SUPT3H: variants seen among roughly 807,000 people sequenced by gnomAD.
SUPT3H encodes transcription initiation protein SPT3 homolog.
A neutral mutation model predicts 44.3 loss-of-function variants in SUPT3H; 44 were observed. The ratio of observed to expected loss-of-function variants is 0.99; its 90% CI spans 0.78 to 1.28. SUPT3H has a LOEUF of 1.28. Among genes scored for constraint, SUPT3H ranks in the 50% most tolerant of loss-of-function variants. The pLI is 0.00. For missense variants in SUPT3H, 380 were observed against 387.1 expected (o/e 0.98, Z 0.15); for synonymous variants, 124 against 125.6 (o/e 0.99, Z 0.09).
At chr6:44,980,923 A>G (rs1760955291) in intron 6 of SUPT3H, among the ~76,000 whole-genome samples, 1 of 152,234 alleles carries the variant, frequency 6.6e-6, no homozygotes, top group South Asian at 2.1e-4. Context: ...GCACGTCTGA[A>G]GAAGTAGATT....
intron 2 of SUPT3H, among the ~76,000 whole-genome samples, chr6:45,209,086 C>G (rs974134886): frequency 2.6e-5 from 4 of 152,182 alleles, no homozygotes; most frequent in African/African-American, 9.6e-5. Flanking sequence ...ACTGTTGAGA[C>G]CTACTACTCA....
At chr6:45,079,107 G>A (rs925230076) in intron 3 of SUPT3H, among the ~76,000 whole-genome samples, 19 of 152,038 alleles carry the variant, frequency 1.2e-4, no homozygotes, top group African/African-American at 2.4e-5. Flanking sequence ...TAAGGAGATC[G>A]AGACCATCTG....
At chr6:45,239,404 C>T (rs1295438486) in intron 2 of SUPT3H, among the ~76,000 whole-genome samples, 2 of 152,214 alleles carry the variant, frequency 1.3e-5, no homozygotes, top group African/African-American at 4.8e-5. Flanking sequence ...TGCCTCTGGT[C>T]TCAAGCGCAG....
intron 2 of SUPT3H, among the ~76,000 whole-genome samples, chr6:45,284,952 A>C (rs1246762457): frequency 6.6e-6 from 1 of 152,294 alleles, no homozygotes; most frequent in East Asian, 1.9e-4. Context: ...ACAAATCAAT[A>C]AATGTAATCC....
chr6:44,836,583 A>G (rs1026827625), intron 10 of SUPT3H, among the ~76,000 whole-genome samples: 2 of 152,200 alleles, frequency 1.3e-5, no homozygotes, highest in African/African-American at 4.8e-5. Context: ...TATTGAAAAT[A>G]CTAACATTGG....
At chr6:44,887,092 A>G (rs1762430742) in intron 10 of SUPT3H, among the ~76,000 whole-genome samples, 1 of 152,210 alleles carries the variant, frequency 6.6e-6, no homozygotes, top group Admixed American at 6.5e-5. Flanking sequence ...TATGCACCCA[A>G]GACAGGAGCA....
At chr6:45,377,018 T>G (rs1436552659) in intron 1 of SUPT3H, among the ~76,000 whole-genome samples, 1 of 152,106 alleles carries the variant, frequency 6.6e-6, no homozygotes, top group African/African-American at 2.4e-5. Flanking sequence ...ATCGTCTGAG[T>G]GTCAAATATT....
chr6:45,255,018 A>T (rs903435032), intron 2 of SUPT3H, among the ~76,000 whole-genome samples: 2 of 152,222 alleles, frequency 1.3e-5, no homozygotes, highest in Non-Finnish European at 2.9e-5. Context: ...CTTGTGGGCA[A>T]ATAATCCTTA....
At chr6:44,919,944 T>C (rs1392394633) in intron 10 of SUPT3H, among the ~76,000 whole-genome samples, 1 of 152,112 alleles carries the variant, frequency 6.6e-6, no homozygotes, top group African/African-American at 2.4e-5. Context: ...AGTGGCGTGA[T>C]CTCAGCTCAC....
chr6:45,138,693 G>A (rs1310554830), intron 2 of SUPT3H, among the ~76,000 whole-genome samples: 1 of 152,126 alleles, frequency 6.6e-6, no homozygotes, highest in African/African-American at 2.4e-5. Context: ...AGCCAATCAA[G>A]AGGAGTAGTT....
intron 1 of SUPT3H, among the ~76,000 whole-genome samples, chr6:45,373,327 C>CA (rs1563048111): frequency 6.6e-6 from 1 of 151,976 alleles, no homozygotes; most frequent in African/African-American, 2.4e-5. Context: ...AACTACAGTA[C>CA]AAAAAAGCCT....
At chr6:45,104,154 G>A (rs1798962314) in intron 3 of SUPT3H, among the ~76,000 whole-genome samples, 1 of 151,958 alleles carries the variant, frequency 6.6e-6, no homozygotes, top group African/African-American at 2.4e-5. Context: ...CATGGGAAAT[G>A]GTAGATATGT....
At chr6:45,000,535 C>T (rs1781879731) in intron 6 of SUPT3H, among the ~76,000 whole-genome samples, 1 of 152,058 alleles carries the variant, frequency 6.6e-6, no homozygotes, top group Non-Finnish European at 1.5e-5. Context: ...TTGGGCACAA[C>T]TGAATGATAT....
chr6:45,130,648 C>G (rs1246062768), intron 2 of SUPT3H, among the ~76,000 whole-genome samples: 1 of 135,500 alleles, frequency 7.4e-6, no homozygotes, highest in Non-Finnish European at 1.5e-5. Context: ...AAGAGTCACA[C>G]TGGTGAAAGC....
chr6:44,929,377 T>A (rs933702868), intron 10 of SUPT3H, among the ~76,000 whole-genome samples: 8 of 152,128 alleles, frequency 5.3e-5, no homozygotes, highest in Non-Finnish European at 8.8e-5. Flanking sequence ...GGTAAATGGA[T>A]ATATATATAC....
chr6:45,235,241 A>G (rs748844966), intron 2 of SUPT3H, among the ~76,000 whole-genome samples: 4 of 152,184 alleles, frequency 2.6e-5, no homozygotes, highest in Non-Finnish European at 5.9e-5. Context: ...TTTTAAATAA[A>G]ATAGCCCCAC....
intron 11 of SUPT3H, among the ~76,000 whole-genome samples, chr6:44,813,489 C>A (rs1352718721): frequency 4.0e-5 from 6 of 151,714 alleles, no homozygotes; most frequent in African/African-American, 9.7e-5. Flanking sequence ...TGTGCCCAGC[C>A]CAGAGCGTCT....
At chr6:45,179,952 G>C (rs1373490481) in intron 2 of SUPT3H, among the ~76,000 whole-genome samples, 1 of 152,102 alleles carries the variant, frequency 6.6e-6, no homozygotes, top group Non-Finnish European at 1.5e-5. Context: ...TGACATGATT[G>C]TATATCTAGA....
intron 2 of SUPT3H, among the ~76,000 whole-genome samples, chr6:45,316,449 A>G (rs1214041724): frequency 4.6e-5 from 7 of 152,202 alleles, no homozygotes; most frequent in East Asian, 1.9e-4. Context: ...GCAAAATTAG[A>G]TAAGAGAAAG....
Sources: allele counts gnomAD v4.1 joint callset (sites outside exome capture counted in the v4.1 genomes callset), GRCh38; gene constraint gnomAD v4.1.1; transcripts MANE v1.5; gene names NCBI Gene and HGNC (gene_info 2026-07-23, HGNC 2026-07-21).